Variants in RERE observed in about 807,000 individuals in gnomAD.
The protein encoded by RERE is arginine-glutamic acid dipeptide repeats protein.
Under a neutral mutation model 146.1 loss-of-function variants are expected in RERE, and 40 were observed. The ratio of observed to expected loss-of-function variants is 0.27; its 90% CI spans 0.21 to 0.36. RERE has a LOEUF of 0.36. Ranked by LOEUF, RERE falls within the 10% of genes least tolerant of loss-of-function variation. RERE has a pLI of 1.00. For synonymous variants in RERE, 1,003 were observed against 866.0 expected, an observed-to-expected ratio of 1.16 and a Z score of -2.78; for missense variants, 1,933 against 2,138.7, an observed-to-expected ratio of 0.90 and a Z score of 1.90.
At chr1:8,656,919 A>G (rs1286833582) in intron 1 of RERE, among the ~76,000 whole-genome samples, 1 of 152,144 alleles carries the variant, frequency 6.6e-6, no homozygotes, top group African/African-American at 2.4e-5. Flanking sequence ...TTCAAGACCA[A>G]CCCTGGCAAC....
At chr1:8,779,566 G>C (rs1199537652) in intron 1 of RERE, among the ~76,000 whole-genome samples, 1 of 151,952 alleles carries the variant, frequency 6.6e-6, no homozygotes, top group Non-Finnish European at 1.5e-5. Context: ...GGGAGGCTGA[G>C]ACAGGAGAAT....
At chr1:8,650,132 G>A (rs1647540601) in intron 2 of RERE, among the ~76,000 whole-genome samples, 1 of 152,134 alleles carries the variant, frequency 6.6e-6, no homozygotes, top group Non-Finnish European at 1.5e-5. Context: ...GGTAATCCCA[G>A]AGTTTAGCAG....
chr1:8,708,900 CTG>C (rs1355587711), intron 1 of RERE, among the ~76,000 whole-genome samples: 1 of 142,344 alleles, frequency 7.0e-6, no homozygotes, highest in Non-Finnish European at 1.5e-5. Flanking sequence ...AACAAAAACT[CTG>C]GAGTTTTTTT....
intron 4 of RERE, among the ~76,000 whole-genome samples, chr1:8,606,566 T>C (rs576804137): frequency 9.2e-5 from 14 of 152,192 alleles, no homozygotes; most frequent in Admixed American, 2.6e-4. Flanking sequence ...AGCTAAAAAA[T>C]AGGCCTTTTT....
chr1:8,711,960 G>GA (rs1029097435), intron 1 of RERE, among the ~76,000 whole-genome samples: 1 of 151,930 alleles, frequency 6.6e-6, no homozygotes, highest in Non-Finnish European at 1.5e-5. Context: ...GTGTATTTCA[G>GA]AAAAAAATAC....
In RERE at chr1:8,460,332, T is replaced by C. The variant is rs925546140; in HGVS notation, c.1203+5593A>G. Among the ~76,000 whole-genome samples, 39 of 152,228 alleles carry C rather than the reference T, an allele frequency of 2.6e-4. 1 individual carries two copies. Among genetic ancestry groups the C allele is most frequent in the African/African-American group, 9.2e-4 (38 of 41,456 alleles). ...GGGAAAGACACCCTGCAAATAGTTG[T>C]GTGTATTCTGTGTAAGTAATTCCTT... On this transcript the variant is annotated intron_variant, in intron 11 of 22. Transcript: ENST00000400908.
chr1:8,656,268 G>C lies in RERE; in HGVS notation c.30C>G (p.Asp10Glu), dbSNP rs752807857. The C allele has an allele frequency of 9.7e-6, 15 of 1,554,112 alleles. No homozygotes were observed. Among genetic ancestry groups the C allele is most frequent in the Non-Finnish European group, 1.3e-5 (15 of 1,138,114 alleles). MTADKDKDK[D>E]KEKDRDRDRD... ...GGTCTCGGTCCCGGTCCTTCTCTTT[G>C]TCTTTGTCTTTGTCTTTGTCCGCTG... Residue 10 changes from aspartate to glutamate, a missense_variant, in exon 2 of 23, where the codon GAC becomes GAG. Around this residue, in one of 11 missense-constraint regions of RERE, gnomAD observed 107 missense variants for 119.7 expected, o/e 0.89. Transcript: ENST00000400908.
intron 11 of RERE, among the ~76,000 whole-genome samples, chr1:8,454,392 G>A (rs1007272001): frequency 6.6e-6 from 1 of 152,148 alleles, no homozygotes; most frequent in Non-Finnish European, 1.5e-5. Context: ...AAAGGATGGG[G>A]CAGGCAGCAG....
intron 1 of RERE, among the ~76,000 whole-genome samples, chr1:8,791,212 C>A (rs530341891): frequency 3.9e-5 from 6 of 152,210 alleles, no homozygotes; most frequent in African/African-American, 1.2e-4. Context: ...GGTGGTCTGC[C>A]AAGATAAACA....
chr1:8,602,836 A>C (rs1274445842), intron 4 of RERE, among the ~76,000 whole-genome samples: 2 of 94,080 alleles, frequency 2.1e-5, no homozygotes, highest in Non-Finnish European at 4.7e-5. Flanking sequence ...TCATCTGATT[A>C]AAAAAAAAAT....
chr1:8,654,129 T>C (rs994118348), intron 2 of RERE, among the ~76,000 whole-genome samples: 5 of 151,920 alleles, frequency 3.3e-5, no homozygotes, highest in Admixed American at 3.3e-4. Flanking sequence ...AGCCTTGCCC[T>C]CCTGAGCTCA....
rs60050106 is a variant in RERE at position 8,386,022 on chromosome 1, A to ATT, written c.1285-20050_1285-20049dup. ...TATATATATATATATATATATATAT[A>ATT]TTTTTTTTTTTTTTTTTTTTTTTTT... On this transcript the variant is annotated intron_variant, in intron 12 of 22. Coordinates refer to ENST00000400908, the MANE Select transcript of RERE (RefSeq NM_001042681.2). Among the ~76,000 whole-genome samples, 23 of 26,632 alleles carry ATT rather than the reference A, an allele frequency of 8.6e-4. 1 individual carries two copies. The highest frequency in any genetic ancestry group is 1.6e-3 in the African/African-American group (10 of 6,410). 17.5% of individuals were successfully genotyped at this position (26,632 alleles called of 152,430 possible). A position where few individuals can be genotyped will look rare whatever the true frequency, so the allele number is the denominator to read the frequency against.
In RERE at chr1:8,816,382, T is replaced by C. The variant is rs142677516; in HGVS notation, c.-145+778A>G. 1.5e-3 allele frequency among the ~76,000 whole-genome samples: 233 copies of C among 152,344 alleles called. 1 individual carries two copies. In the Middle Eastern group the frequency reaches 0.017, roughly 11 times the overall value. ...CAAGGACCCATTTTACTTAAATCAA[T>C]GTTTGAAGTCTGTAATCCAGAAAAA... On this transcript the variant is annotated intron_variant, in intron 1 of 22. Coordinates refer to ENST00000400908, the MANE Select transcript of RERE (RefSeq NM_001042681.2).
intron 11 of RERE, among the ~76,000 whole-genome samples, chr1:8,433,555 T>TTTC (rs1557630013): frequency 6.8e-6 from 1 of 146,122 alleles, no homozygotes; most frequent in African/African-American, 2.5e-5. Flanking sequence ...ATTCATTTCT[T>TTTC]TTTTTTTTTT....
intron 1 of RERE, among the ~76,000 whole-genome samples, chr1:8,773,863 A>G (rs1376728797): frequency 6.6e-6 from 1 of 152,198 alleles, no homozygotes; most frequent in East Asian, 1.9e-4. Flanking sequence ...AATGCTGTAC[A>G]TACATTTGAC....
chr1:8,400,081 T>A (rs1411006111), intron 12 of RERE, among the ~76,000 whole-genome samples: 1 of 152,120 alleles, frequency 6.6e-6, no homozygotes, highest in Non-Finnish European at 1.5e-5. Flanking sequence ...TCCATAGGAA[T>A]ACTACCAATT....
At chr1:8,467,694 G>C (rs1199206664) in intron 10 of RERE, among the ~76,000 whole-genome samples, 1 of 151,994 alleles carries the variant, frequency 6.6e-6, no homozygotes, top group Non-Finnish European at 1.5e-5. Context: ...GCCCAGGCTG[G>C]AGTGCAGTGG....
chr1:8,765,284 G>C (rs908730809), intron 1 of RERE, among the ~76,000 whole-genome samples: 9 of 152,196 alleles, frequency 5.9e-5, no homozygotes, highest in Admixed American at 4.6e-4. Flanking sequence ...GAAATGTCCA[G>C]AATAGGCAAA....
rs3082091 is a variant in RERE at position 8,601,736 on chromosome 1, A to AACACACACACACAC, written c.522+12811_522+12824dup. On this transcript the variant is annotated intron_variant, in intron 4 of 22. Coordinates refer to ENST00000400908, the MANE Select transcript of RERE (RefSeq NM_001042681.2). ...CCCAACTGCCATCATGTCCAAGGTC[A>AACACACACACACAC]ACACACACACACACACACACACACA... Among the ~76,000 whole-genome samples the AACACACACACACAC allele has an allele frequency of 7.1e-5, 10 of 140,902 alleles. No homozygotes were observed. The East Asian group carries it at 8.7e-4, about 12-fold the overall frequency. The allele number at this position is 140,902 out of a possible 152,430, so 92.4% of individuals were successfully genotyped here.
Sources: allele counts gnomAD v4.1 joint callset (sites outside exome capture counted in the v4.1 genomes callset), GRCh38; gene constraint gnomAD v4.1.1; regional missense constraint gnomAD v4.1.1; transcripts MANE v1.5; gene names NCBI Gene and HGNC (gene_info 2026-07-23, HGNC 2026-07-21).